Variants in SAMMSON observed in about 807,000 individuals in gnomAD.
The protein encoded by SAMMSON is survival associated mitochondrial melanoma specific oncogenic non-coding RNA.
intron 9 of SAMMSON, among the ~76,000 whole-genome samples, chr3:70,362,863 C>A (rs1702884078): frequency 7.3e-6 from 1 of 137,804 alleles, no homozygotes. Flanking sequence ...GTATGGGTTT[C>A]AACAGTGACT....
chr3:70,103,354 A>T (rs1294442943), intron 4 of SAMMSON, among the ~76,000 whole-genome samples: 1 of 152,208 alleles, frequency 6.6e-6, no homozygotes, highest in Non-Finnish European at 1.5e-5. Context: ...AACGAAGGCT[A>T]TGGCAATGTT....
chr3:70,108,844 G>A (rs1367206663), intron 4 of SAMMSON, among the ~76,000 whole-genome samples: 3 of 152,108 alleles, frequency 2.0e-5, no homozygotes, highest in Admixed American at 6.6e-5. Flanking sequence ...CCAGACCAAT[G>A]AAAAGCAATT....
At chr3:70,019,931 G>A (rs2067004802) in intron 3 of SAMMSON, among the ~76,000 whole-genome samples, 1 of 152,130 alleles carries the variant, frequency 6.6e-6, no homozygotes, top group South Asian at 2.1e-4. Flanking sequence ...ATTAAAATTT[G>A]GTGGAATGTG....
chr3:70,421,180 T>C (rs999503415), intron 2 of SAMMSON, among the ~76,000 whole-genome samples: 1 of 152,128 alleles, frequency 6.6e-6, no homozygotes, highest in Non-Finnish European at 1.5e-5. Flanking sequence ...TTTCTTAGTA[T>C]AATATAAGTG....
intron 3 of SAMMSON, among the ~76,000 whole-genome samples, chr3:70,040,563 G>A (rs962674111): frequency 1.1e-4 from 17 of 152,248 alleles, no homozygotes; most frequent in Non-Finnish European, 2.4e-4. Context: ...CTCTGGAGGC[G>A]TGGGATCCTG....
At chr3:70,305,966 C>T (rs1254767940) in intron 7 of SAMMSON, among the ~76,000 whole-genome samples, 2 of 152,096 alleles carry the variant, frequency 1.3e-5, no homozygotes, top group African/African-American at 4.8e-5. Context: ...TTATTAGTCT[C>T]TAATATGTGT....
chr3:70,316,477 T>TTTGAA (rs111489050), intron 7 of SAMMSON, among the ~76,000 whole-genome samples: 18 of 152,260 alleles, frequency 1.2e-4, no homozygotes, highest in African/African-American at 3.8e-4. Context: ...GAAGGTGTAC[T>TTTGAA]ACTGCTTTGA....
At chr3:70,029,752 C>CA (rs5849936) in intron 3 of SAMMSON, among the ~76,000 whole-genome samples, 996 of 78,016 alleles carry the variant, frequency 0.013, 4 homozygotes, top group Middle Eastern at 0.091. Context: ...AAGACTCTGT[C>CA]AAAAAAAAAA....
intron 7 of SAMMSON, among the ~76,000 whole-genome samples, chr3:70,298,762 C>G (rs1403080): frequency 0.013 from 2,014 of 152,150 alleles, 32 homozygotes; most frequent in African/African-American, 0.045. Context: ...TCTTGGTTAG[C>G]CATCTTCAAG....
At chr3:70,004,203 A>C (rs1454586433) in intron 1 of SAMMSON, among the ~76,000 whole-genome samples, 2 of 152,178 alleles carry the variant, frequency 1.3e-5, no homozygotes, top group Non-Finnish European at 2.9e-5. Flanking sequence ...GCTCACATAA[A>C]GTTAGTAAAG....
intron 2 of SAMMSON, among the ~76,000 whole-genome samples, chr3:70,412,954 G>A (rs770305777): frequency 1.3e-5 from 2 of 152,172 alleles, no homozygotes; most frequent in East Asian, 1.9e-4. Context: ...TAAGAATGGC[G>A]GCAACTTCAA....
At chr3:70,261,622 C>A (rs1181963438) in intron 6 of SAMMSON, among the ~76,000 whole-genome samples, 1 of 152,178 alleles carries the variant, frequency 6.6e-6, no homozygotes, top group Non-Finnish European at 1.5e-5. Flanking sequence ...GCTTTCTTCA[C>A]TTTCAACAAT....
intron 7 of SAMMSON, among the ~76,000 whole-genome samples, chr3:70,300,547 T>A (rs1559558120): frequency 6.6e-6 from 1 of 152,146 alleles, no homozygotes; most frequent in Middle Eastern, 3.4e-3. Context: ...CCTTTAACCA[T>A]GTTACTTTTC....
intron 4 of SAMMSON, among the ~76,000 whole-genome samples, chr3:70,141,960 G>T (rs67371047): frequency 0.45 from 68,563 of 151,920 alleles, 16,622 homozygotes; most frequent in Non-Finnish European, 0.52. Flanking sequence ...TCAGGGAAAT[G>T]CAAATCAAAA....
chr3:70,290,984 G>C (rs894861955), intron 6 of SAMMSON, among the ~76,000 whole-genome samples: 1 of 152,114 alleles, frequency 6.6e-6, no homozygotes, highest in Non-Finnish European at 1.5e-5. Context: ...AGATGAACCC[G>C]GTACCTCAGA....
chr3:70,017,266 G>A (rs2066990102), intron 3 of SAMMSON, among the ~76,000 whole-genome samples: 1 of 152,092 alleles, frequency 6.6e-6, no homozygotes. Flanking sequence ...CTTTCATTGA[G>A]CAGTGGTTTG....
intron 6 of SAMMSON, among the ~76,000 whole-genome samples, chr3:70,258,726 C>T (rs920318185): frequency 7.2e-5 from 11 of 151,792 alleles, no homozygotes; most frequent in Non-Finnish European, 5.9e-5. Flanking sequence ...TTTTTAATAG[C>T]GAAAACTTTA....
chr3:70,390,587 A>G (rs1701037142), downstream of SAMMSON, among the ~76,000 whole-genome samples: 1 of 152,006 alleles, frequency 6.6e-6, no homozygotes, highest in African/African-American at 2.4e-5. Context: ...ATTACCACAC[A>G]TTTAAATGAC....
In SAMMSON at chr3:70,038,837, T is replaced by A. The variant is rs2067095925; in HGVS notation, n.417+25165T>A. On this transcript the variant is annotated intron_variant and non_coding_transcript_variant, in intron 3 of 9. Transcript: ENST00000642114. ...GAAACTGGAGTCAGAATAGCATAAT[T>A]CATAATAGGAGATCATCTTGGGTGA... Among the ~76,000 whole-genome samples the A allele has an allele frequency of 2.0e-5, 3 of 152,212 alleles. No individual in the cohort carries two copies. In the South Asian group the frequency reaches 6.2e-4, roughly 32 times the overall value.
Sources: gnomAD v4.1 joint callset for allele counts (sites outside exome capture counted in the v4.1 genomes callset) on GRCh38, gnomAD v4.1.1 for gene constraint, MANE v1.5 for transcripts, NCBI Gene and HGNC (gene_info 2026-07-23, HGNC 2026-07-21) for gene names.